CPVL: variants seen among roughly 807,000 people sequenced by gnomAD.
CPVL encodes probable serine carboxypeptidase CPVL.
A neutral mutation model predicts 63.7 loss-of-function variants in CPVL; 51 were observed. That is an observed-to-expected ratio of 0.80 (90% confidence interval 0.64 to 1.01). The LOEUF (loss-of-function observed/expected upper bound fraction) is 1.01, where lower values mean the gene tolerates loss of function less well. Among genes scored for constraint, CPVL ranks in the 50% least tolerant of loss-of-function variants. The pLI, the probability that CPVL is intolerant of heterozygous loss-of-function variation, is 0.00. For synonymous variants in CPVL, 195 were observed against 206.0 expected, an observed-to-expected ratio of 0.95 and a Z score of 0.46; for missense variants, 530 against 573.1, an observed-to-expected ratio of 0.92 and a Z score of 0.77.
chr7:29,124,587 A>T (rs1165107903), intron 1 of CPVL, among the ~76,000 whole-genome samples: 1 of 152,156 alleles, frequency 6.6e-6, no homozygotes, highest in African/African-American at 2.4e-5. Context: ...TCTTTAGAAT[A>T]ATAAAAATTG....
At chr7:29,078,014 A>C (rs1400003604) in intron 7 of CPVL, among the ~76,000 whole-genome samples, 1 of 152,212 alleles carries the variant, frequency 6.6e-6, no homozygotes, top group Non-Finnish European at 1.5e-5. Flanking sequence ...TGAATGAGGA[A>C]AGCTGGAATT....
chr7:29,054,091 CAAACAA>C (rs1354701933), intron 11 of CPVL, among the ~76,000 whole-genome samples: 2 of 151,798 alleles, frequency 1.3e-5, no homozygotes, highest in African/African-American at 4.8e-5. Flanking sequence ...CAAAACAAAA[CAAACAA>C]AATCTGTTAA....
intron 11 of CPVL, among the ~76,000 whole-genome samples, chr7:29,050,263 C>T (rs919087477): frequency 1.3e-5 from 2 of 152,088 alleles, no homozygotes; most frequent in African/African-American, 4.8e-5. Context: ...ACTGAAGACC[C>T]CTCCAGAAAG....
At chr7:29,162,096 A>C (rs1203043630) in intron 5 of CPVL, among the ~76,000 whole-genome samples, 1 of 152,200 alleles carries the variant, frequency 6.6e-6, no homozygotes. Flanking sequence ...CAGTACAGCC[A>C]CTCTGGGCAT....
At chr7:29,181,391 G>C (rs961797828) in exon 5 of CPVL, 2 of 152,128 alleles carry the variant, frequency 1.3e-5, no homozygotes, top group African/African-American at 4.8e-5. Context: ...CCACTGACGT[G>C]TTCAACTTAC....
At chr7:29,165,919 T>C (rs1211760931) in intron 5 of CPVL, among the ~76,000 whole-genome samples, 2 of 152,232 alleles carry the variant, frequency 1.3e-5, no homozygotes, top group Non-Finnish European at 1.5e-5. Flanking sequence ...TAAACAGTGT[T>C]TGTCACTATG....
At chr7:29,175,746 A>AG in intron 5 of CPVL, among the ~76,000 whole-genome samples, 1 of 152,146 alleles carries the variant, frequency 6.6e-6, no homozygotes. Flanking sequence ...AGCGGAGCAC[A>AG]GGGAAAAAAA....
At chr7:29,064,900 T>TA (rs1339864842) in intron 10 of CPVL, among the ~76,000 whole-genome samples, 1 of 136,414 alleles carries the variant, frequency 7.3e-6, no homozygotes, top group African/African-American at 2.8e-5. Flanking sequence ...CCCTAAAACT[T>TA]AAAGTATAAT....
At chr7:29,047,526 A>G (rs1234544274) in intron 11 of CPVL, among the ~76,000 whole-genome samples, 1 of 152,214 alleles carries the variant, frequency 6.6e-6, no homozygotes. Context: ...AAAGCCTCCA[A>G]GAAGTCTGGG....
intron 9 of CPVL, among the ~76,000 whole-genome samples, chr7:29,068,915 C>A (rs1683746888): frequency 6.7e-6 from 1 of 150,330 alleles, no homozygotes; most frequent in South Asian, 2.1e-4. Context: ...GATCTCCTGA[C>A]CTCGTGATCC....
intron 2 of CPVL, among the ~76,000 whole-genome samples, chr7:29,120,387 A>C (rs1410741435): frequency 1.3e-5 from 2 of 151,640 alleles, no homozygotes; most frequent in African/African-American, 4.8e-5. Flanking sequence ...GCGCCACCGC[A>C]CTCCAGCCTG....
intron 3 of CPVL, 54 bp from the exon 4 acceptor site, chr7:29,096,271 G>A: frequency 7.1e-7 from 1 of 1,409,818 alleles, no homozygotes. Context: ...TAAGGCTACA[G>A]AACACACACA....
intron 12 of CPVL, among the ~76,000 whole-genome samples, chr7:29,023,285 G>T (rs575542665): frequency 3.0e-4 from 45 of 152,320 alleles, no homozygotes; most frequent in Non-Finnish European, 5.1e-4. Context: ...TGGCAGGGGG[G>T]CTCACAAACA....
intron 12 of CPVL, chr7:29,012,496 A>G (rs184723941): frequency 1.3e-5 from 2 of 152,352 alleles, no homozygotes; most frequent in East Asian, 3.9e-4. Context: ...AACAAAGACC[A>G]CTTGTAAACC....
In CPVL at chr7:29,051,937, TATATATATGA is replaced by T. The variant is rs1562742282; in HGVS notation, c.1137+12114_1137+12123del. Among the ~76,000 whole-genome samples the T allele has an allele frequency of 3.3e-4, 29 of 89,190 alleles. No individual in the cohort carries two copies. In the South Asian group the frequency reaches 6.2e-3, roughly 19 times the overall value. The allele number at this position is 89,190 out of a possible 152,430, so 58.5% of individuals were successfully genotyped here. ...ATATTCCACATATATATATTCCAAA[TATATATATGA>T]ATATATATATATGAATACTACTCAA... On this transcript the variant is annotated intron_variant, in intron 11 of 12. Transcript: ENST00000265394.
chr7:28,996,768 C>T (rs1388818547), intron 12 of CPVL, among the ~76,000 whole-genome samples: 1 of 152,182 alleles, frequency 6.6e-6, no homozygotes, highest in Non-Finnish European at 1.5e-5. Flanking sequence ...ATGCATCCCA[C>T]ACCCATCCAC....
chr7:29,044,258 A>G (rs1789402906), intron 11 of CPVL, among the ~76,000 whole-genome samples: 1 of 152,082 alleles, frequency 6.6e-6, no homozygotes. Flanking sequence ...CTTTACTAAA[A>G]ATACAAAAAT....
At chr7:29,171,312 A>G (rs916510511) in intron 5 of CPVL, among the ~76,000 whole-genome samples, 6 of 152,208 alleles carry the variant, frequency 3.9e-5, no homozygotes, top group African/African-American at 7.2e-5. Context: ...TCACAGGTCT[A>G]TAAAGAAGAA....
At position 29,072,336 on chromosome 7, in the gene CPVL, T is replaced by C; in HGVS notation, c.697A>G (p.Ile233Val). The C allele has an allele frequency of 1.9e-6, 3 of 1,614,090 alleles. No individual in the cohort carries two copies. Among genetic ancestry groups the C allele is most frequent in the Non-Finnish European group, 2.5e-6 (3 of 1,179,980 alleles). Residue 233 changes from isoleucine (I) to valine (V), a missense_variant, in exon 8 of 13, where the codon ATT becomes GTT. By Grantham distance (29) the Ile-to-Val change is conservative. Coordinates refer to ENST00000265394, the MANE Select transcript of CPVL (RefSeq NM_031311.5). ...VREVKINLNG[I>V]AIGDGYSDPE... ...TCAGAATATCCATCTCCAATAGCAA[T>C]TCCGTTCAGGTTGATCTTCACCTCT...
Sources: gnomAD v4.1 joint callset for allele counts (sites outside exome capture counted in the v4.1 genomes callset) on GRCh38, gnomAD v4.1.1 for gene constraint, MANE v1.5 for transcripts, NCBI Gene and HGNC (gene_info 2026-07-23, HGNC 2026-07-21) for gene names.